CNTNAP2: variants seen among roughly 807,000 people sequenced by gnomAD.
CNTNAP2 encodes contactin-associated protein-like 2.
Under a neutral mutation model 155.2 loss-of-function variants are expected in CNTNAP2, and 98 were observed. The observed-to-expected ratio is 0.63, with a 90% CI of 0.54 to 0.75. The LOEUF is 0.75. Among genes scored for constraint, CNTNAP2 ranks in the 30% least tolerant of loss-of-function variants. CNTNAP2 has a pLI of 0.00. For missense variants in CNTNAP2, 1,727 were observed against 1,688.1 expected, an observed-to-expected ratio of 1.02 and a Z score of -0.40; for synonymous variants, 651 against 631.2, an observed-to-expected ratio of 1.03 and a Z score of -0.47.
intron 4 of CNTNAP2, among the ~76,000 whole-genome samples, chr7:147,100,412 AT>A (rs1459675997): frequency 1.3e-5 from 2 of 152,220 alleles, no homozygotes; most frequent in Non-Finnish European, 2.9e-5. Context: ...ACCATTTCAG[AT>A]TAGCATACAA....
chr7:148,130,571 A>T (rs1804809929), intron 16 of CNTNAP2, among the ~76,000 whole-genome samples: 2 of 152,210 alleles, frequency 1.3e-5, no homozygotes, highest in African/African-American at 4.8e-5. Flanking sequence ...GTGCCTTATA[A>T]GACAAAGTAC....
chr7:147,055,703 A>G (rs1350841222), intron 4 of CNTNAP2, among the ~76,000 whole-genome samples: 1 of 152,162 alleles, frequency 6.6e-6, no homozygotes, highest in Non-Finnish European at 1.5e-5. Context: ...TTGTATCAAG[A>G]GAGTGGTCTT....
intron 15 of CNTNAP2, among the ~76,000 whole-genome samples, chr7:148,097,218 C>T (rs888645246): frequency 2.6e-5 from 4 of 151,858 alleles, no homozygotes; most frequent in South Asian, 2.1e-4. Context: ...TGAACCAGCC[C>T]GGCCAATTTA....
intron 1 of CNTNAP2, among the ~76,000 whole-genome samples, chr7:146,523,512 T>A (rs1349986120): frequency 6.6e-6 from 1 of 152,086 alleles, no homozygotes; most frequent in African/African-American, 2.4e-5. Flanking sequence ...ATGTCCAAAA[T>A]AACCTTTCCA....
At chr7:148,128,678 G>C (rs1230441398) in intron 16 of CNTNAP2, among the ~76,000 whole-genome samples, 1 of 152,172 alleles carries the variant, frequency 6.6e-6, no homozygotes, top group East Asian at 1.9e-4. Flanking sequence ...TTTTAGAATA[G>C]AATGTCTTCT....
At chr7:147,251,864 C>T (rs1235534454) in intron 8 of CNTNAP2, among the ~76,000 whole-genome samples, 1 of 152,102 alleles carries the variant, frequency 6.6e-6, no homozygotes, top group Non-Finnish European at 1.5e-5. Context: ...ATGTTTGTAG[C>T]TGGAAAGATG....
chr7:147,798,141 C>A (rs1286429923), intron 13 of CNTNAP2, among the ~76,000 whole-genome samples: 2 of 152,140 alleles, frequency 1.3e-5, no homozygotes, highest in East Asian at 3.9e-4. Flanking sequence ...ATTGTTGTCA[C>A]AGTGCACGGA....
chr7:147,704,263 C>G (rs1796277473), intron 13 of CNTNAP2: 1 of 154,242 alleles, frequency 6.5e-6, no homozygotes, highest in South Asian at 2.0e-4. Flanking sequence ...GTCGTTTTCT[C>G]CCTAAAAAAA....
At chr7:146,201,205 G>T (rs1484569954) in intron 1 of CNTNAP2, among the ~76,000 whole-genome samples, 5 of 151,560 alleles carry the variant, frequency 3.3e-5, no homozygotes, top group South Asian at 2.1e-4. Context: ...TTAATGAAAA[G>T]AAAAAAAAGC....
intron 10 of CNTNAP2, among the ~76,000 whole-genome samples, chr7:147,460,902 C>A (rs1162491771): frequency 6.6e-6 from 1 of 152,124 alleles, no homozygotes; most frequent in Non-Finnish European, 1.5e-5. Context: ...TAATTTTGAT[C>A]TTTCTACTTA....
chr7:146,586,249 G>A (rs1261350400), intron 1 of CNTNAP2, among the ~76,000 whole-genome samples: 2 of 152,098 alleles, frequency 1.3e-5, no homozygotes, highest in Non-Finnish European at 2.9e-5. Context: ...AACTAAAGAA[G>A]TGCTGCTTTC....
chr7:148,406,106 C>G (rs1312620118), intron 22 of CNTNAP2, among the ~76,000 whole-genome samples: 1 of 151,796 alleles, frequency 6.6e-6, no homozygotes, highest in African/African-American at 2.4e-5. Context: ...TTGGCGGGCG[C>G]CTGTAGTCCC....
chr7:148,255,408 C>T (rs549976583), intron 20 of CNTNAP2, among the ~76,000 whole-genome samples: 5 of 152,276 alleles, frequency 3.3e-5, no homozygotes, highest in East Asian at 3.9e-4. Context: ...AAAAATTATA[C>T]GAACTTATTG....
At chr7:146,969,022 G>T (rs1212494523) in intron 3 of CNTNAP2, among the ~76,000 whole-genome samples, 2 of 148,074 alleles carry the variant, frequency 1.4e-5, no homozygotes, top group African/African-American at 5.1e-5. Context: ...CTTTGTTCTC[G>T]TTGGTTTCAA....
chr7:146,478,514 C>G (rs187751281), intron 1 of CNTNAP2, among the ~76,000 whole-genome samples: 1 of 151,902 alleles, frequency 6.6e-6, no homozygotes, highest in Admixed American at 6.6e-5. Context: ...ATTAACCCCA[C>G]ATGTGGAAAG....
intron 3 of CNTNAP2, among the ~76,000 whole-genome samples, chr7:146,867,836 T>C (rs1795235980): frequency 6.6e-6 from 1 of 152,098 alleles, no homozygotes; most frequent in South Asian, 2.1e-4. Flanking sequence ...GAGGAGTGTC[T>C]GTTCATGTCC....
At chr7:147,348,694 C>T (rs2116874317) in intron 9 of CNTNAP2, among the ~76,000 whole-genome samples, 1 of 152,072 alleles carries the variant, frequency 6.6e-6, no homozygotes, top group Non-Finnish European at 1.5e-5. Flanking sequence ...ATCTACACCC[C>T]CATGTTTATT....
At chr7:148,054,811 G>A (rs896477061) in intron 15 of CNTNAP2, among the ~76,000 whole-genome samples, 3 of 151,524 alleles carry the variant, frequency 2.0e-5, no homozygotes, top group African/African-American at 7.3e-5. Context: ...GCCATGTAGA[G>A]TCCAGGTAAG....
chr7:147,806,835 A>G (rs1200132018), intron 13 of CNTNAP2, among the ~76,000 whole-genome samples: 4 of 152,182 alleles, frequency 2.6e-5, no homozygotes, highest in African/African-American at 9.7e-5. Context: ...GATGGTTACC[A>G]GACTTTAGGA....
Sources: gnomAD v4.1 joint callset for allele counts (sites outside exome capture counted in the v4.1 genomes callset) on GRCh38, gnomAD v4.1.1 for gene constraint, MANE v1.5 for transcripts, NCBI Gene and HGNC (gene_info 2026-07-23, HGNC 2026-07-21) for gene names.